The following ALOX5 variants were observed in gnomAD, a reference collection of about 807,000 sequenced individuals.
ALOX5 encodes the protein arachidonate 5-lipoxygenase.
In ALOX5, 64 loss-of-function variants were observed where a neutral mutation model predicts 87.9. The observed-to-expected ratio is 0.73, with a 90% CI of 0.60 to 0.90. The LOEUF (loss-of-function observed/expected upper bound fraction) is 0.90, where lower values mean the gene tolerates loss of function less well. Among genes scored for constraint, ALOX5 ranks in the 40% least tolerant of loss-of-function variants. The pLI, the probability that ALOX5 is intolerant of heterozygous loss-of-function variation, is 0.00. For missense variants in ALOX5, 822 were observed against 907.5 expected, an observed-to-expected ratio of 0.91 and a Z score of 1.21; for synonymous variants, 388 against 355.1, an observed-to-expected ratio of 1.09 and a Z score of -1.04.
chr10:45,435,247 T>C (rs1205815104), intron 7 of ALOX5, among the ~76,000 whole-genome samples: 1 of 151,280 alleles, frequency 6.6e-6, no homozygotes, highest in East Asian at 1.9e-4. Context: ...AGCTCTTTTT[T>C]TACTGGTCAG....
intron 3 of ALOX5, among the ~76,000 whole-genome samples, chr10:45,401,792 A>G (rs1334911492): frequency 6.6e-6 from 1 of 152,230 alleles, no homozygotes; most frequent in Non-Finnish European, 1.5e-5. Flanking sequence ...ACCAAATAGT[A>G]AAAGTTATTA....
chr10:45,416,642 G>A (rs1841296486), intron 4 of ALOX5, among the ~76,000 whole-genome samples: 3 of 152,182 alleles, frequency 2.0e-5, no homozygotes, highest in Admixed American at 2.0e-4. Flanking sequence ...AGGGAATGGA[G>A]GAATACTGGA....
chr10:45,433,474 G>C (rs1238708735), intron 7 of ALOX5, among the ~76,000 whole-genome samples: 1 of 152,192 alleles, frequency 6.6e-6, no homozygotes, highest in African/African-American at 2.4e-5. Flanking sequence ...GAGAACACAA[G>C]GCATTTATTG....
At chr10:45,443,590 G>T in intron 11 of ALOX5, 53 bp downstream of exon 11, 9 of 1,598,610 alleles carry the variant, frequency 5.6e-6, no homozygotes, top group Non-Finnish European at 7.7e-6. Context: ...CGGCAGCGCT[G>T]GCCCCTCCGC....
At chr10:45,390,143 A>G (rs1251921042) in intron 2 of ALOX5, among the ~76,000 whole-genome samples, 4 of 152,272 alleles carry the variant, frequency 2.6e-5, no homozygotes, top group Non-Finnish European at 5.9e-5. Flanking sequence ...AGAGCTAACT[A>G]TCCGAAACGT....
chr10:45,443,882 CT>C, intron 12 of ALOX5, 54 bp downstream of exon 12: 4 of 1,533,382 alleles, frequency 2.6e-6, no homozygotes, highest in Non-Finnish European at 3.5e-6. Context: ...CCGCTGCCTC[CT>C]CCCCCGCCCC....
At chr10:45,428,574 C>T (rs373501906) in intron 6 of ALOX5, 44 bp from the exon 7 acceptor site, 33 of 1,609,402 alleles carry the variant, frequency 2.1e-5, no homozygotes, top group Non-Finnish European at 2.6e-5. Context: ...ATTTTTGGTC[C>T]GTCTGCTGAG....
intron 7 of ALOX5, among the ~76,000 whole-genome samples, chr10:45,433,616 A>G (rs879707883): frequency 6.6e-6 from 1 of 152,198 alleles, no homozygotes; most frequent in Non-Finnish European, 1.5e-5. Flanking sequence ...ATCATTAATC[A>G]ATACATGGAG....
At chr10:45,418,784 G>C (rs1310256948) in intron 4 of ALOX5, among the ~76,000 whole-genome samples, 1 of 152,228 alleles carries the variant, frequency 6.6e-6, no homozygotes, top group Non-Finnish European at 1.5e-5. Flanking sequence ...GGGAGGAAAA[G>C]CTGATGTGTT....
At chr10:45,418,220 A>G (rs1489982957) in intron 4 of ALOX5, among the ~76,000 whole-genome samples, 4 of 152,042 alleles carry the variant, frequency 2.6e-5, no homozygotes, top group Non-Finnish European at 5.9e-5. Flanking sequence ...AGGGGGCTGG[A>G]CCACAAGGAA....
intron 6 of ALOX5, among the ~76,000 whole-genome samples, chr10:45,426,774 C>T (rs530770921): frequency 6.6e-6 from 1 of 152,198 alleles, no homozygotes; most frequent in East Asian, 1.9e-4. Context: ...GTCTCTCTCT[C>T]GCTCCATGTC....
intron 1 of ALOX5, among the ~76,000 whole-genome samples, chr10:45,375,498 C>T (rs1839571873): frequency 6.6e-6 from 1 of 152,226 alleles, no homozygotes; most frequent in African/African-American, 2.4e-5. Flanking sequence ...AAGATTTAGA[C>T]TTTACCAAGC....
At chr10:45,423,915 C>G in intron 4 of ALOX5, 126 bp from the exon 5 acceptor site, 1 of 728,422 alleles carries the variant, frequency 1.4e-6, no homozygotes, top group South Asian at 1.6e-5. Context: ...AAGCCAGTCA[C>G]CTACCTCTGC....
intron 7 of ALOX5, among the ~76,000 whole-genome samples, chr10:45,429,018 C>T (rs1841828343): frequency 6.6e-6 from 1 of 152,270 alleles, no homozygotes; most frequent in Admixed American, 6.5e-5. Flanking sequence ...CTCTCCACCC[C>T]AGCACCCTGA....
intron 6 of ALOX5, among the ~76,000 whole-genome samples, chr10:45,426,034 T>A (rs1334986121): frequency 6.6e-6 from 1 of 152,158 alleles, no homozygotes; most frequent in Admixed American, 6.5e-5. Flanking sequence ...CTCCTCCTCC[T>A]CCTGCACCCA....
chr10:45,392,675 C>T (rs1840330603), intron 2 of ALOX5, among the ~76,000 whole-genome samples: 1 of 151,290 alleles, frequency 6.6e-6, no homozygotes, highest in Admixed American at 6.6e-5. Flanking sequence ...CCAAATCCCC[C>T]TCTGCGAGAA....
At chr10:45,380,939 C>A (rs907830699) in intron 1 of ALOX5, among the ~76,000 whole-genome samples, 20 of 152,176 alleles carry the variant, frequency 1.3e-4, no homozygotes, top group African/African-American at 4.3e-4. Flanking sequence ...GAGACTCCAC[C>A]TCAAAATAAA....
At chr10:45,401,974 C>G (rs1254668069) in intron 3 of ALOX5, among the ~76,000 whole-genome samples, 3 of 151,214 alleles carry the variant, frequency 2.0e-5, no homozygotes, top group Non-Finnish European at 4.4e-5. Flanking sequence ...GTAGTCCCAG[C>G]TGCTCGGGAG....
At chr10:45,394,331 C>G (rs535315042) in intron 2 of ALOX5, among the ~76,000 whole-genome samples, 230 of 152,272 alleles carry the variant, frequency 1.5e-3, no homozygotes, top group Admixed American at 2.9e-3. Flanking sequence ...CTTTGACAAA[C>G]CTGACAAAAA....
Sources: gnomAD v4.1 joint callset for allele counts (sites outside exome capture counted in the v4.1 genomes callset) on GRCh38, gnomAD v4.1.1 for gene constraint, MANE v1.5 for transcripts, NCBI Gene and HGNC (gene_info 2026-07-23, HGNC 2026-07-21) for gene names.